CEP250: variants seen among roughly 807,000 people sequenced by gnomAD.
CEP250 encodes the protein centrosomal protein 250, also known as centrosome-associated protein CEP250.
In CEP250, 242 loss-of-function variants were observed where a neutral mutation model predicts 315.7. The ratio of observed to expected loss-of-function variants is 0.77; its 90% confidence interval spans 0.69 to 0.85. The LOEUF is 0.85. Among genes scored for constraint, CEP250 ranks in the 40% least tolerant of loss-of-function variants. The probability of loss-of-function intolerance (pLI) is 0.00; values close to 1 mark genes in which losing one functional copy is unlikely to be tolerated. For synonymous variants in CEP250, 1,088 were observed against 1,175.0 expected, an observed-to-expected ratio of 0.93 and a Z score of 1.51; for missense variants, 2,515 against 2,886.4, an observed-to-expected ratio of 0.87 and a Z score of 2.95.
At chr20:35,457,051 G>A (rs2062646419) in intron 1 of CEP250, among the ~76,000 whole-genome samples, 1 of 151,992 alleles carries the variant, frequency 6.6e-6, no homozygotes, top group Non-Finnish European at 1.5e-5. Context: ...CAAAGTGCTG[G>A]GATTACAGTT....
In CEP250 at chr20:35,474,021, C is replaced by G; in HGVS notation, c.1540C>G (p.Leu514Val). The G allele has an allele frequency of 6.3e-7, 1 of 1,588,072 alleles. No homozygotes were observed. The highest frequency in any genetic ancestry group is 1.4e-5 in the African/African-American group (1 of 73,854). Residue 514 changes from leucine to valine, a missense_variant, in exon 14 of 35, where the codon CTG (leucine) becomes GTG (valine). By Grantham distance (32) the Leu-to-Val change is conservative. Transcript: ENST00000397527. Reference protein sequence around the residue: ...QGQKEEQQEELHLAVRERERL... With the variant: ...QGQKEEQQEEVHLAVRERERL... ...CCAGAAGGAGGAACAGCAGGAGGAG[C>G]TGCACCTGGCTGTCCGGGAGAGGGA... is the stretch of plus-strand genomic sequence containing the variant.
intron 20 of CEP250, among the ~76,000 whole-genome samples, chr20:35,486,377 G>A (rs1267338956): frequency 6.6e-6 from 1 of 151,854 alleles, no homozygotes; most frequent in East Asian, 1.9e-4. Context: ...GACTAGCTAG[G>A]ACTACAGGCA....
At chr20:35,486,333 C>T (rs1400380101) in intron 20 of CEP250, among the ~76,000 whole-genome samples, 1 of 152,108 alleles carries the variant, frequency 6.6e-6, no homozygotes, top group East Asian at 1.9e-4. Context: ...CTTCAAGCTC[C>T]TGGGCTTAAG....
chr20:35,461,265 A>G lies in CEP250; in HGVS notation c.-103-1000A>G, dbSNP rs531929520. On this transcript the variant is annotated intron_variant, in intron 3 of 34. Coordinates refer to ENST00000397527, the MANE Select transcript of CEP250 (RefSeq NM_007186.6). Reference sequence around the variant, plus strand: ...GAGAACTCTTCCTCTGGCCCAGGTTATGGGATAATTGTGTGTTTTAGAGGC... The same window carrying G: ...GAGAACTCTTCCTCTGGCCCAGGTTGTGGGATAATTGTGTGTTTTAGAGGC... Among the ~76,000 whole-genome samples the G allele has an allele frequency of 8.5e-5, 13 of 152,290 alleles. No individual in the cohort carries two copies. The South Asian group carries it at 2.7e-3, about 32-fold the overall frequency.
intron 25 of CEP250, 57 bp from the exon 26 acceptor site, chr20:35,497,662 G>T (rs1485587321): frequency 5.5e-6 from 7 of 1,262,634 alleles, no homozygotes; most frequent in Non-Finnish European, 6.6e-6. Context: ...GCCTGGGAAG[G>T]CCTGAGGAGA....
Position 35,493,460 on chromosome 20 carries a change from A to C in CEP250, c.2921A>C (p.Gln974Pro). The stretch of plus-strand genomic sequence containing the variant: ...ACTGGGATACTACAGACCCAGCTCC[A>C]GGAGGCTCAACGGGAGCTGAAGGAG... The part of the protein sequence containing the change: ...ETTGILQTQL[Q>P]EAQRELKEAA... Residue 974 changes from glutamine to proline, a missense_variant, in exon 23 of 35, where the codon CAG (glutamine) becomes CCG (proline). Transcript: ENST00000397527. 6.2e-7 allele frequency: 1 copy of C among 1,609,566 alleles called. No homozygotes were observed. The highest frequency in any genetic ancestry group is 8.5e-7 in the Non-Finnish European group (1 of 1,178,160).
chr20:35,504,244 G>T lies in CEP250; in HGVS notation c.5875G>T (p.Ala1959Ser). The T allele has an allele frequency of 6.3e-7, 1 of 1,599,948 alleles. No individual in the cohort carries two copies. Among genetic ancestry groups the T allele is most frequent in the Non-Finnish European group, 8.5e-7 (1 of 1,173,808 alleles). ...GTCCTCCCGGCATCAGGAGGAGGCTGCCCGGGCCCGGGCTGAGGCTCTGCA... is the reference window on the plus strand; with the variant it reads ...GTCCTCCCGGCATCAGGAGGAGGCTTCCCGGGCCCGGGCTGAGGCTCTGCA... ...SQSSRHQEEA[A>S]RARAEALQEA... Residue 1959 changes from alanine to serine, a missense_variant, in exon 30 of 35, where the codon GCC (alanine) becomes TCC (serine). Ala to Ser is a moderately conservative substitution (Grantham distance 99, BLOSUM62 1). Coordinates refer to ENST00000397527, the MANE Select transcript of CEP250 (RefSeq NM_007186.6).
rs570637370 is a variant in CEP250 at position 35,479,689 on chromosome 20, C to A, written c.2332C>A (p.Gln778Lys). The stretch of plus-strand genomic sequence containing the variant: ...GGAGAGCAGTCTGTTTGAAGCCCAA[C>A]AACAAAATTCTGTGATAGAGGTCAC... The part of the protein sequence containing the change: ...LLESSLFEAQ[Q>K]QNSVIEVTKG... Residue 778 changes from glutamine (Q) to lysine (K), a missense_variant, in exon 19 of 35, where the codon CAA becomes AAA. By Grantham distance (53) the Gln-to-Lys change is moderately conservative. Transcript: ENST00000397527. 106 of 1,614,152 alleles carry A rather than the reference C, an allele frequency of 6.6e-5. No individual in the cohort carries two copies. Among genetic ancestry groups the A allele is most frequent in the South Asian group, 1.2e-4 (11 of 91,074 alleles).
chr20:35,502,281 C>T, intron 29 of CEP250, 109 bp from the exon 30 acceptor site: 1 of 1,028,296 alleles, frequency 9.7e-7, no homozygotes, highest in Non-Finnish European at 1.4e-6. Context: ...TTTTTTTGCC[C>T]AAGTCCTTAT....
At position 35,467,662 on chromosome 20, in the gene CEP250, G is replaced by A. The variant is rs142203877; in HGVS notation, c.851+107G>A. 9.9e-6 allele frequency: 13 copies of A among 1,308,766 alleles called. No individual in the cohort carries two copies. The African/African-American group carries it at 1.3e-4, about 13-fold the overall frequency. 81.1% of individuals were successfully genotyped at this position (1,308,766 alleles called of 1,614,324 possible). ...TGCCAGGAACATTCCTACCATGGAG[G>A]GGGAGAAGATGTGCCCAAGGAAATC... On this transcript the variant is annotated intron_variant, in intron 9 of 34. Transcript: ENST00000397527.
At chr20:35,474,542 G>C (rs2063116469) in intron 14 of CEP250, among the ~76,000 whole-genome samples, 1 of 152,196 alleles carries the variant, frequency 6.6e-6, no homozygotes, top group Non-Finnish European at 1.5e-5. Flanking sequence ...AAGGCGGCAG[G>C]AAGGTTCATG....
intron 1 of CEP250, among the ~76,000 whole-genome samples, 172 bp downstream of exon 1, chr20:35,455,923 T>G (rs567255883): frequency 6.6e-6 from 1 of 152,186 alleles, no homozygotes; most frequent in Non-Finnish European, 1.5e-5. Flanking sequence ...GAGACGGAGT[T>G]TCGCGCTTGT....
chr20:35,490,954 C>T (rs532208627), intron 21 of CEP250, 150 bp downstream of exon 21: 27 of 933,560 alleles, frequency 2.9e-5, no homozygotes, highest in African/African-American at 8.3e-5. Context: ...CAGGGTGGTC[C>T]GCACCATTAG....
intron 21 of CEP250, 133 bp from the exon 22 acceptor site, chr20:35,491,079 C>G: frequency 8.8e-7 from 1 of 1,134,736 alleles, no homozygotes; most frequent in Non-Finnish European, 1.2e-6. Context: ...CCCATGGGCT[C>G]AGACCTTCCT....
chr20:35,458,475 CT>C (rs2062681131), intron 2 of CEP250, 101 bp downstream of exon 2: 2 of 152,164 alleles, frequency 1.3e-5, no homozygotes, highest in African/African-American at 4.8e-5. Context: ...AGAAATGAAT[CT>C]TTCCCTTTTT....
rs1402317731 is a variant in CEP250, at chr20:35,511,938, TCTC to T, written c.*315_*317del. On this transcript the variant is annotated 3_prime_UTR_variant, in exon 35 of 35. Transcript: ENST00000397527. ...TAGCACTTCACCACCTCCTTCATCT[TCTC>T]CTTCAACAATAAACCCTGGGATCTT... is the stretch of plus-strand genomic sequence containing the variant. The T allele has an allele frequency of 4.3e-5, 50 of 1,154,380 alleles. No homozygotes were observed. The South Asian group carries it at 4.7e-4, about 11-fold the overall frequency. 71.5% of individuals were successfully genotyped at this position (1,154,380 alleles called of 1,614,324 possible). A position where few individuals can be genotyped will look rare whatever the true frequency, so the allele number is the denominator to read the frequency against.
At position 35,472,176 on chromosome 20, in the gene CEP250, G is replaced by A. The variant is rs780152139; in HGVS notation, c.1050+25G>A. 2.0e-5 allele frequency: 28 copies of A among 1,412,776 alleles called. No individual in the cohort carries two copies. The South Asian group carries it at 2.5e-4, about 13-fold the overall frequency. The allele number at this position is 1,412,776 out of a possible 1,614,324, so 87.5% of individuals were successfully genotyped here. A position where few individuals can be genotyped will look rare whatever the true frequency, so the allele number is the denominator to read the frequency against. On this transcript the variant is annotated intron_variant, in intron 11 of 34. Transcript: ENST00000397527. ...GGTACTGGGAAGCCTCCTGTTCATG[G>A]TAACCAGGTTATGCCTCCACTCCCC... is the stretch of plus-strand genomic sequence containing the variant.
At chr20:35,479,819 T>C (rs2063292169) in intron 19 of CEP250, 46 bp downstream of exon 19, 7 of 1,612,938 alleles carry the variant, frequency 4.3e-6, no homozygotes, top group Non-Finnish European at 5.9e-6. Flanking sequence ...CATGGAGATG[T>C]TGAAAGGCAG....
chr20:35,512,174 C>A lies in CEP250; in HGVS notation c.*548C>A. 2 of 307,198 alleles carry A rather than the reference C, an allele frequency of 6.5e-6. No individual in the cohort carries two copies. Among genetic ancestry groups the A allele is most frequent in the South Asian group, 1.3e-4 (1 of 7,986 alleles). The allele number at this position is 307,198 out of a possible 1,614,324, so 19.0% of individuals were successfully genotyped here. On this transcript the variant is annotated 3_prime_UTR_variant, in exon 35 of 35. Transcript: ENST00000397527. ...CAGCCTACAGTCCAGTTGATGAGAA[C>A]AGGCTAACACTCATTTATGAGTCAG...
Sources: allele counts gnomAD v4.1 joint callset (sites outside exome capture counted in the v4.1 genomes callset), GRCh38; gene constraint gnomAD v4.1.1; transcripts MANE v1.5; gene names NCBI Gene and HGNC (gene_info 2026-07-23, HGNC 2026-07-21).